The following LGSN variants were observed in gnomAD, a reference collection of about 807,000 sequenced individuals.
The protein encoded by LGSN is lengsin, lens protein with glutamine synthetase domain, also known as lengsin.
A neutral mutation model predicts 19.5 loss-of-function variants in LGSN; 21 were observed. The observed-to-expected ratio is 1.07, with a 90% CI of 0.76 to 1.55. The LOEUF is 1.55. Among genes scored for constraint, LGSN ranks in the 40% most tolerant of loss-of-function variants. LGSN has a pLI of 0.00. For synonymous variants in LGSN, 257 were observed against 215.6 expected, an observed-to-expected ratio of 1.19 and a Z score of -1.68; for missense variants, 673 against 608.5, an observed-to-expected ratio of 1.11 and a Z score of -1.12.
chr6:63,286,217 G>GT (rs1289129298), intron 2 of LGSN, among the ~76,000 whole-genome samples: 2 of 152,074 alleles, frequency 1.3e-5, no homozygotes, highest in African/African-American at 4.8e-5. Flanking sequence ...ATTTTCAGGG[G>GT]TTTTGTCTCA....
At chr6:63,498,827 G>A in the LGSN span, among the ~76,000 whole-genome samples, 2,127 of 152,190 alleles carry the variant, frequency 0.014, 26 homozygotes, top group Non-Finnish European at 0.025. Context: ...GTGGTATTGG[G>A]TTGATTAACG....
At chr6:63,357,126 C>T in the LGSN span, among the ~76,000 whole-genome samples, 3 of 152,014 alleles carry the variant, frequency 2.0e-5, no homozygotes, top group Admixed American at 6.6e-5. Flanking sequence ...ATGCTGGTTT[C>T]CAGCTTCATC....
At chr6:63,412,484 A>AG in the LGSN span, among the ~76,000 whole-genome samples, 54 of 39,912 alleles carry the variant, frequency 1.4e-3, no homozygotes, top group South Asian at 5.2e-3. Flanking sequence ...GAAGAAAGAG[A>AG]AGAAAGAAAG....
the LGSN span, among the ~76,000 whole-genome samples, chr6:63,378,487 A>G: frequency 1.3e-5 from 2 of 152,142 alleles, no homozygotes; most frequent in Non-Finnish European, 1.5e-5. Context: ...TTGTGTTGCT[A>G]TGAAGGAATA....
chr6:63,458,715 G>A, the LGSN span, among the ~76,000 whole-genome samples: 1 of 152,186 alleles, frequency 6.6e-6, no homozygotes, highest in Non-Finnish European at 1.5e-5. Flanking sequence ...AAAGCCTTCA[G>A]AGAGAGAATG....
At chr6:63,497,155 T>G in the LGSN span, among the ~76,000 whole-genome samples, 93 of 152,120 alleles carry the variant, frequency 6.1e-4, 1 homozygote, top group African/African-American at 2.2e-3. Flanking sequence ...TAAAACATTT[T>G]TTGTCGAGAT....
the LGSN span, among the ~76,000 whole-genome samples, chr6:63,432,429 T>C: frequency 2.2e-3 from 331 of 152,102 alleles, 1 homozygote; most frequent in Non-Finnish European, 2.6e-3. Flanking sequence ...TGGTGGCTCA[T>C]GCCTGTAATC....
the LGSN span, among the ~76,000 whole-genome samples, chr6:63,398,855 C>G: frequency 1.3e-5 from 2 of 152,054 alleles, no homozygotes; most frequent in African/African-American, 2.4e-5. Flanking sequence ...TAGGGTTTTG[C>G]TCCTGTTACC....
chr6:63,471,471 G>A, the LGSN span, among the ~76,000 whole-genome samples: 2 of 151,800 alleles, frequency 1.3e-5, no homozygotes, highest in Non-Finnish European at 2.9e-5. Context: ...TTCGAGAGCA[G>A]CCTGGCCAAC....
the LGSN span, among the ~76,000 whole-genome samples, chr6:63,421,184 G>A: frequency 2.0e-5 from 3 of 151,898 alleles, no homozygotes; most frequent in African/African-American, 7.3e-5. Context: ...CATTTTGGGA[G>A]GCTGAAGTGG....
At chr6:63,377,956 A>G in the LGSN span, among the ~76,000 whole-genome samples, 2 of 150,258 alleles carry the variant, frequency 1.3e-5, no homozygotes, top group Non-Finnish European at 3.0e-5. Context: ...AGGATGAATA[A>G]CAAGAAAGAA....
the LGSN span, among the ~76,000 whole-genome samples, chr6:63,379,774 T>C: frequency 6.6e-6 from 1 of 152,200 alleles, no homozygotes; most frequent in East Asian, 1.9e-4. Context: ...TTTGTTTTTT[T>C]ACAAAAATTT....
chr6:63,283,487 A>AT (rs146310298), intron 3 of LGSN, among the ~76,000 whole-genome samples: 5,453 of 152,234 alleles, frequency 0.036, 333 homozygotes, highest in African/African-American at 0.12. Context: ...AGCCTACATT[A>AT]TTGCATATAA....
At chr6:63,341,298 C>T in the LGSN span, among the ~76,000 whole-genome samples, 3 of 152,170 alleles carry the variant, frequency 2.0e-5, no homozygotes, top group African/African-American at 7.2e-5. Flanking sequence ...CATGCATGAG[C>T]ACCACTGGTT....
chr6:63,323,583 C>CAG (rs2127400340), upstream of LGSN, among the ~76,000 whole-genome samples: 1 of 150,956 alleles, frequency 6.6e-6, no homozygotes, highest in African/African-American at 2.4e-5. Context: ...CACACACACA[C>CAG]ACACACACAC....
At chr6:63,403,200 T>C in the LGSN span, among the ~76,000 whole-genome samples, 1 of 152,126 alleles carries the variant, frequency 6.6e-6, no homozygotes, top group African/African-American at 2.4e-5. Context: ...TAGGAATTCT[T>C]TGAAAAATGA....
the LGSN span, among the ~76,000 whole-genome samples, chr6:63,340,010 G>GA: frequency 1.3e-4 from 19 of 151,548 alleles, no homozygotes; most frequent in African/African-American, 3.6e-4. Context: ...CTCATTTTCT[G>GA]AAAAAAAGAT....
rs190675251 is a variant in LGSN at position 63,283,807 on chromosome 6, T to G, written c.330+1780A>C. Among the ~76,000 whole-genome samples the G allele has an allele frequency of 1.6e-4, 24 of 152,240 alleles. No individual in the cohort carries two copies. The East Asian group carries it at 4.1e-3, about 26-fold the overall frequency. ...CCTCCGCCTTCCGGGTTCAAGCGAT[T>G]CTCCTGCCTCAGCTTCCCAAGTAGC... On this transcript the variant is annotated intron_variant, in intron 3 of 3. Transcript: ENST00000370657.
At chr6:63,522,556 A>G in the LGSN span, among the ~76,000 whole-genome samples, 1 of 152,208 alleles carries the variant, frequency 6.6e-6, no homozygotes, top group Non-Finnish European at 1.5e-5. Flanking sequence ...TTTGAGGTAG[A>G]AAAGGGCTCT....
Sources: allele counts gnomAD v4.1 joint callset (sites outside exome capture counted in the v4.1 genomes callset), GRCh38; gene constraint gnomAD v4.1.1; transcripts MANE v1.5; gene names NCBI Gene and HGNC (gene_info 2026-07-23, HGNC 2026-07-21).